Variants in PRKCA observed in about 807,000 individuals in gnomAD.
The protein encoded by PRKCA is protein kinase C alpha, also known as protein kinase C alpha type.
In PRKCA, 27 loss-of-function variants were observed where a neutral mutation model predicts 87.0. The observed-to-expected ratio is 0.31, with a 90% CI of 0.23 to 0.43. The LOEUF is 0.43. PRKCA is among the 20% of genes least tolerant of loss of function. The pLI is 1.00. For missense variants in PRKCA, 518 were observed against 852.3 expected, an observed-to-expected ratio of 0.61 and a Z score of 4.88; for synonymous variants, 329 against 311.1, an observed-to-expected ratio of 1.06 and a Z score of -0.61.
chr17:66,578,884 C>T (rs1969327038), intron 3 of PRKCA, among the ~76,000 whole-genome samples: 1 of 152,230 alleles, frequency 6.6e-6, no homozygotes, highest in Non-Finnish European at 1.5e-5. Flanking sequence ...TCATCTGTTT[C>T]GACCTGTGGG....
At chr17:66,631,231 C>T (rs886849666) in intron 3 of PRKCA, among the ~76,000 whole-genome samples, 1 of 152,152 alleles carries the variant, frequency 6.6e-6, no homozygotes, top group Non-Finnish European at 1.5e-5. Context: ...GGACCTGAGC[C>T]TCACCTGGAG....
intron 3 of PRKCA, among the ~76,000 whole-genome samples, chr17:66,565,618 C>T (rs1337296277): frequency 5.3e-5 from 8 of 152,260 alleles, no homozygotes. Context: ...TAGGAGGCCC[C>T]TTTTTCTTCT....
chr17:66,543,968 T>G (rs931798889), intron 3 of PRKCA, among the ~76,000 whole-genome samples: 1 of 152,088 alleles, frequency 6.6e-6, no homozygotes, highest in Non-Finnish European at 1.5e-5. Context: ...TCCCAGCACT[T>G]TGGGAGGCCA....
chr17:66,644,411 C>G (rs1162266104), intron 4 of PRKCA, among the ~76,000 whole-genome samples: 1 of 152,304 alleles, frequency 6.6e-6, no homozygotes, highest in East Asian at 1.9e-4. Context: ...GTGGCCTTCC[C>G]TCCTTCTGGA....
At chr17:66,394,726 C>T (rs186709844) in intron 2 of PRKCA, among the ~76,000 whole-genome samples, 1 of 152,308 alleles carries the variant, frequency 6.6e-6, no homozygotes, top group East Asian at 1.9e-4. Flanking sequence ...AGTTGAATCA[C>T]TGGGGCAGGT....
chr17:66,467,574 G>GT (rs963186031), intron 2 of PRKCA, among the ~76,000 whole-genome samples: 10 of 152,052 alleles, frequency 6.6e-5, no homozygotes, highest in Non-Finnish European at 1.3e-4. Flanking sequence ...ATTTTTGTTT[G>GT]TTTTTGACAG....
At chr17:66,508,013 T>C (rs1413019004) in intron 3 of PRKCA, among the ~76,000 whole-genome samples, 1 of 152,206 alleles carries the variant, frequency 6.6e-6, no homozygotes, top group East Asian at 1.9e-4. Context: ...AACTGTGTTA[T>C]TTTATTTATT....
chr17:66,591,487 G>A (rs1330619268), intron 3 of PRKCA, among the ~76,000 whole-genome samples: 1 of 152,068 alleles, frequency 6.6e-6, no homozygotes, highest in East Asian at 1.9e-4. Context: ...TACTTACAAG[G>A]AAACTGTTAG....
intron 8 of PRKCA, among the ~76,000 whole-genome samples, chr17:66,718,814 A>G (rs529375965): frequency 6.6e-6 from 1 of 152,314 alleles, no homozygotes; most frequent in Admixed American, 6.5e-5. Flanking sequence ...GGAAGAAAAG[A>G]TGTGTTTTTG....
At chr17:66,704,639 G>A (rs1192377494) in intron 8 of PRKCA, among the ~76,000 whole-genome samples, 1 of 152,132 alleles carries the variant, frequency 6.6e-6, no homozygotes, top group Admixed American at 6.5e-5. Context: ...TGTTTTGTGA[G>A]GATTATAAGT....
At position 66,702,126 on chromosome 17, in the gene PRKCA, G is replaced by T. The variant is rs530165613; in HGVS notation, c.918+13079G>T. On this transcript the variant is annotated intron_variant, in intron 8 of 16. Coordinates refer to ENST00000413366, the MANE Select transcript of PRKCA (RefSeq NM_002737.3). ...TCACATACATATCTCATTTATGTGT[G>T]TGCATATTCATATATATATATATAC... 3.0e-4 allele frequency among the ~76,000 whole-genome samples: 46 copies of T among 152,046 alleles called. 1 individual carries two copies. Among genetic ancestry groups the T allele is most frequent in the South Asian group, 1.9e-3 (9 of 4,826 alleles).
chr17:66,697,291 G>A (rs1486712576), intron 8 of PRKCA, among the ~76,000 whole-genome samples: 1 of 152,196 alleles, frequency 6.6e-6, no homozygotes, highest in Non-Finnish European at 1.5e-5. Context: ...TCAGCACAGT[G>A]GTGGAATAGG....
intron 3 of PRKCA, among the ~76,000 whole-genome samples, chr17:66,608,687 C>T (rs1035929574): frequency 2.0e-5 from 3 of 152,258 alleles, no homozygotes; most frequent in East Asian, 1.9e-4. Context: ...GAGACACCCA[C>T]GGAGTATGGC....
intron 16 of PRKCA, among the ~76,000 whole-genome samples, chr17:66,801,894 G>C (rs1018182948): frequency 6.6e-6 from 1 of 152,146 alleles, no homozygotes; most frequent in African/African-American, 2.4e-5. Context: ...AATCTCCTTG[G>C]GTGAAGAGTA....
rs532709553 is a variant in PRKCA, at chr17:66,651,474, C to T, written c.529+5963C>T. On this transcript the variant is annotated intron_variant, in intron 5 of 16. Coordinates refer to ENST00000413366, the MANE Select transcript of PRKCA (RefSeq NM_002737.3). ...TCTCTATCATTGCTGGGTAAGGAGA[C>T]GCAGCAGGTAGCCCAACCTTTGCCT... 5.3e-5 allele frequency among the ~76,000 whole-genome samples: 8 copies of T among 152,220 alleles called. No individual in the cohort carries two copies. In the East Asian group the frequency reaches 5.8e-4, roughly 11 times the overall value.
chr17:66,779,442 C>T (rs954713629), intron 14 of PRKCA, among the ~76,000 whole-genome samples: 3 of 151,848 alleles, frequency 2.0e-5, no homozygotes, highest in Non-Finnish European at 4.4e-5. Flanking sequence ...AGGGACCAGC[C>T]CTCTCCTTAT....
At chr17:66,303,158 C>A in intron 1 of PRKCA, 134 bp downstream of exon 1, 1 of 1,242,744 alleles carries the variant, frequency 8.0e-7, no homozygotes, top group Non-Finnish European at 1.1e-6. Flanking sequence ...AACTCTTCGC[C>A]CGGAGTGACA....
intron 3 of PRKCA, among the ~76,000 whole-genome samples, chr17:66,524,279 GTTGC>G (rs1231205294): frequency 6.6e-6 from 1 of 152,134 alleles, no homozygotes; most frequent in East Asian, 1.9e-4. Context: ...TTGCTAATTT[GTTGC>G]TTGCGATTCA....
chr17:66,312,615 C>A (rs1365600598), intron 2 of PRKCA, among the ~76,000 whole-genome samples: 1 of 151,934 alleles, frequency 6.6e-6, no homozygotes, highest in Admixed American at 6.6e-5. Flanking sequence ...TGTTTCAATT[C>A]TTTCCTCAAC....
Sources: allele counts gnomAD v4.1 joint callset (sites outside exome capture counted in the v4.1 genomes callset), GRCh38; gene constraint gnomAD v4.1.1; transcripts MANE v1.5; gene names NCBI Gene and HGNC (gene_info 2026-07-23, HGNC 2026-07-21).